RIMS2: variants seen among roughly 807,000 people sequenced by gnomAD.
RIMS2 encodes the protein regulating synaptic membrane exocytosis protein 2.
A neutral mutation model predicts 174.4 loss-of-function variants in RIMS2; 59 were observed. The observed-to-expected ratio is 0.34, with a 90% CI of 0.27 to 0.42. The LOEUF (loss-of-function observed/expected upper bound fraction) is 0.42, where lower values mean the gene tolerates loss of function less well. Among genes scored for constraint, RIMS2 ranks in the 10% least tolerant of loss-of-function variants. RIMS2 has a pLI of 1.00. For missense variants in RIMS2, 1,620 were observed against 1,666.3 expected, an observed-to-expected ratio of 0.97 and a Z score of 0.48; for synonymous variants, 606 against 572.5, an observed-to-expected ratio of 1.06 and a Z score of -0.84.
At chr8:103,982,438 T>TAAA (rs57698633) in intron 16 of RIMS2, among the ~76,000 whole-genome samples, 1 of 86,352 alleles carries the variant, frequency 1.2e-5, no homozygotes, top group Non-Finnish European at 2.4e-5. Flanking sequence ...CAAAGACACA[T>TAAA]AAAAAAAAAA....
intron 19 of RIMS2, among the ~76,000 whole-genome samples, chr8:104,234,113 A>C (rs2099246278): frequency 6.6e-6 from 1 of 152,136 alleles, no homozygotes; most frequent in South Asian, 2.1e-4. Flanking sequence ...AACACTATTT[A>C]TTAAACACCA....
intron 3 of RIMS2, among the ~76,000 whole-genome samples, chr8:103,804,894 T>C (rs983836840): frequency 2.0e-5 from 3 of 151,984 alleles, no homozygotes; most frequent in Admixed American, 1.3e-4. Context: ...GCCCCTGAGA[T>C]CAAGCAATCT....
intron 2 of RIMS2, among the ~76,000 whole-genome samples, chr8:103,754,139 T>C (rs924753240): frequency 1.3e-5 from 2 of 152,110 alleles, no homozygotes; most frequent in African/African-American, 4.8e-5. Context: ...TCTTTGTTCT[T>C]ATTGGTTTCA....
intron 17 of RIMS2, among the ~76,000 whole-genome samples, chr8:103,990,855 CAAAT>C (rs1475175339): frequency 3.3e-5 from 5 of 151,644 alleles, no homozygotes; most frequent in Admixed American, 3.3e-4. Flanking sequence ...TTCTTTAAGA[CAAAT>C]AAATGCTGTC....
At chr8:103,899,171 G>T (rs1375486234) in intron 4 of RIMS2, among the ~76,000 whole-genome samples, 1 of 151,616 alleles carries the variant, frequency 6.6e-6, no homozygotes. Context: ...GAATAATGCC[G>T]CAATAAACAT....
chr8:103,543,820 G>A (rs529016853), intron 1 of RIMS2, among the ~76,000 whole-genome samples: 1 of 152,278 alleles, frequency 6.6e-6, no homozygotes, highest in East Asian at 1.9e-4. Context: ...AGACCCTGAT[G>A]TCACACCATG....
intron 3 of RIMS2, among the ~76,000 whole-genome samples, chr8:103,778,879 A>G (rs1278918708): frequency 6.6e-6 from 1 of 152,076 alleles, no homozygotes; most frequent in Non-Finnish European, 1.5e-5. Flanking sequence ...AGTGTATGAG[A>G]GTTCTCCTTT....
intron 1 of RIMS2, among the ~76,000 whole-genome samples, chr8:103,692,752 C>T (rs2097047261): frequency 1.3e-5 from 2 of 152,172 alleles, no homozygotes; most frequent in Non-Finnish European, 2.9e-5. Flanking sequence ...TGTGGCTGAG[C>T]TGGTATCCAA....
chr8:104,071,536 G>T (rs576271750), intron 19 of RIMS2, among the ~76,000 whole-genome samples: 53 of 152,294 alleles, frequency 3.5e-4, no homozygotes, highest in Non-Finnish European at 6.9e-4. Context: ...CTGGGTTCAA[G>T]TGATTCTCCT....
At chr8:103,780,819 C>A (rs1036087572) in intron 3 of RIMS2, among the ~76,000 whole-genome samples, 3 of 152,040 alleles carry the variant, frequency 2.0e-5, no homozygotes, top group Admixed American at 2.0e-4. Flanking sequence ...TATGTCTTTG[C>A]ATTGAAAGGT....
intron 19 of RIMS2, among the ~76,000 whole-genome samples, chr8:104,210,331 A>T (rs557562559): frequency 6.6e-6 from 1 of 152,228 alleles, no homozygotes; most frequent in Non-Finnish European, 1.5e-5. Context: ...ATTAATTAAA[A>T]CCACAAATCT....
chr8:104,205,893 T>G (rs2099077817), intron 19 of RIMS2, among the ~76,000 whole-genome samples: 1 of 151,944 alleles, frequency 6.6e-6, no homozygotes, highest in African/African-American at 2.4e-5. Context: ...GTAGCTGGGA[T>G]TATAGGCATG....
At chr8:103,839,747 C>T (rs998479771) in intron 3 of RIMS2, among the ~76,000 whole-genome samples, 2 of 152,222 alleles carry the variant, frequency 1.3e-5, no homozygotes, top group Admixed American at 6.5e-5. Context: ...ATTCACTTAG[C>T]TCTCTTCTGC....
At chr8:104,189,348 A>G (rs2098985515) in intron 19 of RIMS2, among the ~76,000 whole-genome samples, 1 of 151,854 alleles carries the variant, frequency 6.6e-6, no homozygotes, top group Non-Finnish European at 1.5e-5. Flanking sequence ...AGAATAAATC[A>G]TTAGCCCTTT....
intron 19 of RIMS2, among the ~76,000 whole-genome samples, chr8:104,144,744 ATTCT>A (rs1566666182): frequency 1.3e-5 from 2 of 151,990 alleles, no homozygotes; most frequent in Non-Finnish European, 2.9e-5. Context: ...ATATCTCTTC[ATTCT>A]TCTTTTGTGC....
At chr8:103,923,459 A>G (rs1404009633) in intron 10 of RIMS2, among the ~76,000 whole-genome samples, 1 of 151,918 alleles carries the variant, frequency 6.6e-6, no homozygotes, top group Non-Finnish European at 1.5e-5. Flanking sequence ...GATTTAGACA[A>G]ATTTCAAATT....
intron 17 of RIMS2, among the ~76,000 whole-genome samples, chr8:104,013,156 A>G (rs1057356420): frequency 6.6e-6 from 1 of 152,154 alleles, no homozygotes; most frequent in Admixed American, 6.6e-5. Context: ...CACGTATTCC[A>G]TTTAGGGAAT....
chr8:103,905,899 A>G (rs1303761568), intron 4 of RIMS2, among the ~76,000 whole-genome samples: 1 of 150,546 alleles, frequency 6.6e-6, no homozygotes, highest in African/African-American at 2.4e-5. Flanking sequence ...GAGCCCATCA[A>G]TTTGCTTTTT....
intron 22 of RIMS2, among the ~76,000 whole-genome samples, chr8:104,250,246 C>T (rs1188546724): frequency 1.3e-5 from 2 of 152,310 alleles, no homozygotes; most frequent in East Asian, 1.9e-4. Context: ...TTTCTAGCCT[C>T]AGCATCTCTA....
Sources: gnomAD v4.1 joint callset for allele counts (sites outside exome capture counted in the v4.1 genomes callset) on GRCh38, gnomAD v4.1.1 for gene constraint, MANE v1.5 for transcripts, NCBI Gene and HGNC (gene_info 2026-07-23, HGNC 2026-07-21) for gene names.